Variants in CCSER2 observed in about 807,000 individuals in gnomAD.
The protein encoded by CCSER2 is serine-rich coiled-coil domain-containing protein 2.
CCSER2 carries 46 observed loss-of-function variants against 92.3 expected under a neutral mutation model. The ratio of observed to expected loss-of-function variants is 0.50; its 90% CI spans 0.39 to 0.64. The LOEUF (loss-of-function observed/expected upper bound fraction) is 0.64. CCSER2 is among the 30% of genes least tolerant of loss of function. The pLI, the probability that CCSER2 is intolerant of heterozygous loss-of-function variation, is 0.00. For missense variants in CCSER2, 1,244 were observed against 1,238.9 expected, an observed-to-expected ratio of 1.00 and a Z score of -0.06; for synonymous variants, 433 against 431.4, an observed-to-expected ratio of 1.00 and a Z score of -0.04.
chr10:84,435,638 C>CAAAAAAA (rs5786657), intron 5 of CCSER2, among the ~76,000 whole-genome samples: 1 of 106,836 alleles, frequency 9.4e-6, no homozygotes, highest in Non-Finnish European at 1.9e-5. Context: ...CCATTCAGTG[C>CAAAAAAA]AAAAAAAAAA....
At chr10:84,479,720 G>A (rs1469939875) in intron 9 of CCSER2, among the ~76,000 whole-genome samples, 1 of 152,212 alleles carries the variant, frequency 6.6e-6, no homozygotes, top group African/African-American at 2.4e-5. Flanking sequence ...TTAAATGATA[G>A]TAAGCTCACT....
At chr10:84,399,999 A>G (rs1842036784) in intron 3 of CCSER2, among the ~76,000 whole-genome samples, 2 of 151,766 alleles carry the variant, frequency 1.3e-5, no homozygotes, top group South Asian at 4.1e-4. Flanking sequence ...AATGAGGTTG[A>G]ACTTTTTTGT....
intron 9 of CCSER2, among the ~76,000 whole-genome samples, chr10:84,511,550 A>G (rs919398404): frequency 2.0e-5 from 3 of 152,250 alleles, no homozygotes; most frequent in Non-Finnish European, 2.9e-5. Context: ...TGATATTTTC[A>G]GAAGTCTTAA....
chr10:84,450,600 A>G (rs1315676280), intron 6 of CCSER2, among the ~76,000 whole-genome samples: 1 of 152,228 alleles, frequency 6.6e-6, no homozygotes, highest in African/African-American at 2.4e-5. Flanking sequence ...CTGGGACTTC[A>G]GTAGTAAATA....
At chr10:84,492,768 C>G (rs998563146) in intron 9 of CCSER2, among the ~76,000 whole-genome samples, 4 of 152,114 alleles carry the variant, frequency 2.6e-5, no homozygotes, top group African/African-American at 9.7e-5. Flanking sequence ...GATTGATTTT[C>G]TAATAGTAAA....
chr10:84,363,073 C>T (rs1049343665), intron 1 of CCSER2, among the ~76,000 whole-genome samples: 7 of 151,168 alleles, frequency 4.6e-5, no homozygotes, highest in African/African-American at 1.7e-4. Context: ...TCTCAAACTC[C>T]TGACCTCAGG....
chr10:84,368,596 A>G (rs7916339), intron 1 of CCSER2, among the ~76,000 whole-genome samples: 130,045 of 152,168 alleles, frequency 0.85, 55,647 homozygotes, highest in East Asian at 0.9. Flanking sequence ...AATTCTCATG[A>G]CTTTAGTAAT....
intron 8 of CCSER2, among the ~76,000 whole-genome samples, chr10:84,472,773 A>C (rs1024236507): frequency 3.3e-5 from 5 of 152,188 alleles, no homozygotes; most frequent in African/African-American, 1.2e-4. Flanking sequence ...TAACCTCAGA[A>C]TGTATCTTTA....
rs202067755 is a variant in CCSER2 at position 84,374,931 on chromosome 10, A to AT, written c.1614+1124dup. Among the ~76,000 whole-genome samples, 348 of 152,056 alleles carry AT rather than the reference A, an allele frequency of 2.3e-3. 3 individuals are homozygous for AT. Among genetic ancestry groups the AT allele is most frequent in the African/African-American group, 8.0e-3 (333 of 41,474 alleles). ...TAACGGAGGCTTAAATTGCACAAAC[A>AT]TTTTTTTTAACCGTTGTCAACACCT... On this transcript the variant is annotated intron_variant, in intron 3 of 9. Coordinates refer to ENST00000372088, the MANE Select transcript of CCSER2 (RefSeq NM_001284240.2).
At chr10:84,358,640 A>G (rs958183807) in intron 1 of CCSER2, among the ~76,000 whole-genome samples, 1 of 147,542 alleles carries the variant, frequency 6.8e-6, no homozygotes, top group African/African-American at 2.5e-5. Context: ...ATATATATGT[A>G]TATATGTGTA....
At chr10:84,511,774 T>G (rs1056944609) in intron 9 of CCSER2, among the ~76,000 whole-genome samples, 6 of 152,344 alleles carry the variant, frequency 3.9e-5, no homozygotes, top group African/African-American at 1.4e-4. Context: ...CGGTCATTTT[T>G]ATCTAGGGAA....
intron 4 of CCSER2, among the ~76,000 whole-genome samples, chr10:84,421,563 A>G (rs773835399): frequency 5.3e-5 from 8 of 152,156 alleles, no homozygotes; most frequent in African/African-American, 7.2e-5. Context: ...CCATGATTCA[A>G]TTATCTCCAC....
intron 9 of CCSER2, among the ~76,000 whole-genome samples, chr10:84,479,680 T>G (rs763403949): frequency 2.6e-5 from 4 of 152,328 alleles, no homozygotes; most frequent in Middle Eastern, 3.4e-3. Context: ...GTTCCATCCC[T>G]CAAGATGCTT....
rs137935210 is a variant in CCSER2 at position 84,456,703 on chromosome 10, G to A, written c.2065-7230G>A. 4.2e-4 allele frequency among the ~76,000 whole-genome samples: 64 copies of A among 152,212 alleles called. No individual in the cohort carries two copies. The East Asian group carries it at 9.4e-3, about 22-fold the overall frequency. On this transcript the variant is annotated intron_variant, in intron 6 of 9. Transcript: ENST00000372088. ...ACTATATCATTTTGTATTGCCACTA[G>A]CAATGTAAGAATGTAACTATTGTTC...
intron 3 of CCSER2, among the ~76,000 whole-genome samples, chr10:84,396,248 T>C (rs965541604): frequency 6.6e-6 from 1 of 150,660 alleles, no homozygotes; most frequent in South Asian, 2.1e-4. Context: ...TATTCATACA[T>C]AGTTATAGAT....
At chr10:84,375,133 C>T (rs1846258420) in intron 3 of CCSER2, among the ~76,000 whole-genome samples, 1 of 152,084 alleles carries the variant, frequency 6.6e-6, no homozygotes. Context: ...CACTTAGTAC[C>T]TGACAGTTTT....
chr10:84,358,434 A>G (rs1211432268), intron 1 of CCSER2, among the ~76,000 whole-genome samples: 1 of 152,026 alleles, frequency 6.6e-6, no homozygotes, highest in Non-Finnish European at 1.5e-5. Flanking sequence ...ATAGAGTGGA[A>G]TGATGGGTGG....
Position 84,490,744 on chromosome 10 carries a change from G to A in CCSER2, c.2325+13080G>A, listed in dbSNP as rs867850984. Among the ~76,000 whole-genome samples the A allele has an allele frequency of 4.6e-5, 7 of 152,282 alleles. No individual in the cohort carries two copies. The East Asian group carries it at 7.7e-4, about 17-fold the overall frequency. On this transcript the variant is annotated intron_variant, in intron 9 of 9. Transcript: ENST00000372088. ...TGAAGCCTTCTTCTCTCAACTTGTCGAAGTCATTCTCCGTCCAGCTTTGTT... is the reference window on the plus strand; with the variant it reads ...TGAAGCCTTCTTCTCTCAACTTGTCAAAGTCATTCTCCGTCCAGCTTTGTT...
At chr10:84,479,782 T>A (rs1397985540) in intron 9 of CCSER2, among the ~76,000 whole-genome samples, 1 of 152,178 alleles carries the variant, frequency 6.6e-6, no homozygotes, top group Non-Finnish European at 1.5e-5. Context: ...ATGCAAGTGT[T>A]TACACAACTT....
Sources: gnomAD v4.1 joint callset for allele counts (sites outside exome capture counted in the v4.1 genomes callset) on GRCh38, gnomAD v4.1.1 for gene constraint, MANE v1.5 for transcripts, NCBI Gene and HGNC (gene_info 2026-07-23, HGNC 2026-07-21) for gene names.